PDE9A: variants seen among roughly 807,000 people sequenced by gnomAD.
PDE9A encodes phosphodiesterase 9A.
Under a neutral mutation model 87.4 loss-of-function variants are expected in PDE9A, and 60 were observed. The ratio of observed to expected loss-of-function variants is 0.69; its 90% confidence interval spans 0.56 to 0.85. The LOEUF is 0.85. PDE9A is among the 40% of genes least tolerant of loss of function. PDE9A has a pLI of 0.00. For missense variants in PDE9A, 665 were observed against 779.0 expected, an observed-to-expected ratio of 0.85 and a Z score of 1.74; for synonymous variants, 272 against 279.4, an observed-to-expected ratio of 0.97 and a Z score of 0.27.
rs575219394 is a variant in PDE9A at position 42,695,639 on chromosome 21, C to A, written c.219-3329C>A. On this transcript the variant is annotated intron_variant, in intron 3 of 19. Transcript: ENST00000291539. The surrounding 1 kb of genome is among the most constrained non-coding windows in gnomAD (Gnocchi z 4.3). Reference sequence around the variant, plus strand: ...TCGGCCATTCTGGCTTAGAGAAAAGCTTTCTATATTCCAGAATGGCTCCAG... The same window carrying A: ...TCGGCCATTCTGGCTTAGAGAAAAGATTTCTATATTCCAGAATGGCTCCAG... Among the ~76,000 whole-genome samples, 1 of 152,316 alleles carries A rather than the reference C, an allele frequency of 6.6e-6. No individual in the cohort carries two copies. Among genetic ancestry groups the A allele is most frequent in the East Asian group, 1.9e-4 (1 of 5,182 alleles).
chr21:42,767,460 G>A (rs948251772), intron 15 of PDE9A, among the ~76,000 whole-genome samples: 2 of 152,182 alleles, frequency 1.3e-5, no homozygotes, highest in Non-Finnish European at 2.9e-5. Flanking sequence ...AAGGAAGGGC[G>A]ACCACAGCAG....
At chr21:42,709,790 C>T (rs545933221) in intron 4 of PDE9A, among the ~76,000 whole-genome samples, 12 of 152,236 alleles carry the variant, frequency 7.9e-5, no homozygotes, top group Non-Finnish European at 1.6e-4. Context: ...CTCAGGTGAT[C>T]CTCCCACCTC....
At chr21:42,734,285 TGATCA>T (rs1195720396) in intron 7 of PDE9A, 1 of 152,200 alleles carries the variant, frequency 6.6e-6, no homozygotes, top group Non-Finnish European at 1.5e-5. Context: ...CCTGATTCAA[TGATCA>T]CAAAGCTCAA....
intron 3 of PDE9A, 120 bp from the exon 4 acceptor site, chr21:42,698,838 AAAATAAAAAT>A (rs2060282610): frequency 1.1e-5 from 6 of 556,524 alleles, no homozygotes; most frequent in African/African-American, 2.0e-5. Flanking sequence ...GCTAATTTAA[AAAATAAAAAT>A]AAATAAAAAG....
chr21:42,733,670 T>C (rs1450744217), intron 7 of PDE9A: 3 of 532,688 alleles, frequency 5.6e-6, no homozygotes, highest in Non-Finnish European at 1.0e-5. Context: ...CCCCAAAGAA[T>C]AAAAATGAAC....
At chr21:42,725,101 CA>C (rs1272116842) in intron 4 of PDE9A, among the ~76,000 whole-genome samples, 1 of 152,196 alleles carries the variant, frequency 6.6e-6, no homozygotes, top group Non-Finnish European at 1.5e-5. Flanking sequence ...TTGACCGTGA[CA>C]CGGTCCAGAT....
intron 14 of PDE9A, among the ~76,000 whole-genome samples, chr21:42,764,489 A>G (rs1225960383): frequency 6.6e-6 from 1 of 152,236 alleles, no homozygotes; most frequent in Admixed American, 6.5e-5. Flanking sequence ...GACCTGGGGA[A>G]TCAAAGCAAG....
chr21:42,773,757 C>T (rs1007675098), intron 19 of PDE9A, among the ~76,000 whole-genome samples: 68 of 141,078 alleles, frequency 4.8e-4, no homozygotes, highest in Non-Finnish European at 8.5e-4. Flanking sequence ...GCCAAGATCG[C>T]GCCACTGCAC....
At chr21:42,719,707 T>C (rs2050298893) in intron 4 of PDE9A, among the ~76,000 whole-genome samples, 1 of 152,104 alleles carries the variant, frequency 6.6e-6, no homozygotes, top group South Asian at 2.1e-4. Context: ...CTTCATTTTG[T>C]AGATGTACTA....
chr21:42,699,563 TTTTTAA>T (rs2048218922), intron 4 of PDE9A, among the ~76,000 whole-genome samples: 2 of 100,436 alleles, frequency 2.0e-5, no homozygotes, highest in African/African-American at 5.3e-5. Context: ...TCTTTTTTTT[TTTTTAA>T]AAAAAAACGG....
chr21:42,755,417 G>C (rs1328275849), intron 10 of PDE9A, among the ~76,000 whole-genome samples: 1 of 152,318 alleles, frequency 6.6e-6, no homozygotes, highest in East Asian at 1.9e-4. Flanking sequence ...GTTCACCCAA[G>C]AGCAGCAGGC....
At chr21:42,655,729 C>G (rs773780892) in intron 1 of PDE9A, among the ~76,000 whole-genome samples, 1 of 152,224 alleles carries the variant, frequency 6.6e-6, no homozygotes, top group South Asian at 2.1e-4. Flanking sequence ...CTGCAGAACA[C>G]GATGAGCATT....
At chr21:42,763,854 A>G (rs553346865) in intron 14 of PDE9A, among the ~76,000 whole-genome samples, 1 of 152,358 alleles carries the variant, frequency 6.6e-6, no homozygotes, top group African/African-American at 2.4e-5. Flanking sequence ...CAATTTGTCT[A>G]CGCTTCCAGG....
intron 3 of PDE9A, 108 bp from the exon 4 acceptor site, chr21:42,698,860 A>T: frequency 1.6e-6 from 1 of 631,080 alleles, no homozygotes; most frequent in Middle Eastern, 2.6e-4. Flanking sequence ...AATAAAAAGA[A>T]CCACCTAATC....
chr21:42,768,262 G>A lies in PDE9A; in HGVS notation c.1431G>A (p.Val477=), dbSNP rs528905428. 3.7e-5 allele frequency: 59 copies of A among 1,603,938 alleles called. 1 individual carries two copies. In the South Asian group the frequency reaches 5.7e-4, roughly 16 times the overall value. ...CAATGGAAGTCGCAGAGCCTTGGGT[G>A]GACTGTTTATTAGAGGAATATTTTA... is the stretch of plus-strand genomic sequence containing the variant. ...VRPMEVAEPW[V]DCLLEEYFMQ... Residue 477 remains valine (V), a synonymous_variant, in exon 16 of 20, where the codon GTG becomes GTA. Coordinates refer to ENST00000291539, the MANE Select transcript of PDE9A (RefSeq NM_002606.3).
rs1170094448 is a variant in PDE9A, at chr21:42,692,097, TTC to T, written c.218+4108_218+4109del. On this transcript the variant is annotated intron_variant, in intron 3 of 19. Transcript: ENST00000291539. This position sits in a 1 kb window ranked among gnomAD's most constrained non-coding sequence, Gnocchi z 4.3. ...CTGCTGCTGGCCCCGCTGGACGGTCTTCTCTCATAGGAAGGAAATTTCACCTT... is the reference window on the plus strand; with the variant it reads ...CTGCTGCTGGCCCCGCTGGACGGTCTTCTCATAGGAAGGAAATTTCACCTT... 2.0e-5 allele frequency among the ~76,000 whole-genome samples: 3 copies of T among 152,228 alleles called. No homozygotes were observed. The highest frequency in any genetic ancestry group is 1.3e-4 in the Admixed American group (2 of 15,288).
intron 19 of PDE9A, among the ~76,000 whole-genome samples, chr21:42,774,814 G>A (rs1485746887): frequency 6.1e-5 from 9 of 148,680 alleles, no homozygotes; most frequent in East Asian, 2.0e-4. Flanking sequence ...CCCAGGAGGC[G>A]GAGGTTGCAG....
Position 42,731,778 on chromosome 21 carries a change from G to C in PDE9A, c.271G>C (p.Glu91Gln). The C allele has an allele frequency of 6.2e-7, 1 of 1,612,148 alleles. No homozygotes were observed. The highest frequency in any genetic ancestry group is 8.5e-7 in the Non-Finnish European group (1 of 1,179,282). ...VAIKQLSAGV[E>Q]DKRTTSRGQS... ...CTGCCTGCTTTTTATAGCTGGTGTC[G>C]AGGACAAGAGAACCACAAGCCGTGG... Residue 91 changes from glutamate (E) to glutamine (Q), a missense_variant, in exon 5 of 20, where the codon GAG (glutamate) becomes CAG (glutamine). Transcript: ENST00000291539.
At chr21:42,690,734 C>T (rs1569154439) in intron 3 of PDE9A, among the ~76,000 whole-genome samples, 1 of 152,066 alleles carries the variant, frequency 6.6e-6, no homozygotes, top group East Asian at 1.9e-4. Flanking sequence ...TGGTAAGACA[C>T]CTTCTTCTCC....
Sources: allele counts gnomAD v4.1 joint callset (sites outside exome capture counted in the v4.1 genomes callset), GRCh38; gene constraint gnomAD v4.1.1; non-coding constraint Gnocchi (gnomAD v3.1); transcripts MANE v1.5; gene names NCBI Gene and HGNC (gene_info 2026-07-23, HGNC 2026-07-21).